GPHN: variants seen among roughly 807,000 people sequenced by gnomAD.
The protein encoded by GPHN is gephyrin.
Under a neutral mutation model 95.5 loss-of-function variants are expected in GPHN, and 17 were observed. The ratio of observed to expected loss-of-function variants is 0.18; its 90% CI spans 0.12 to 0.27. The LOEUF (loss-of-function observed/expected upper bound fraction) is 0.27. Ranked by LOEUF, GPHN falls within the 10% of genes least tolerant of loss-of-function variation. The pLI is 1.00. For synonymous variants in GPHN, 320 were observed against 322.5 expected, an observed-to-expected ratio of 0.99 and a Z score of 0.08; for missense variants, 660 against 978.1, an observed-to-expected ratio of 0.67 and a Z score of 4.34.
the GPHN span, among the ~76,000 whole-genome samples, chr14:67,281,237 T>C: frequency 6.6e-6 from 1 of 152,130 alleles, no homozygotes. Context: ...TCATCTTCTT[T>C]TCTTTGTTAT....
At chr14:67,209,690 C>A in the GPHN span, among the ~76,000 whole-genome samples, 20 of 150,980 alleles carry the variant, frequency 1.3e-4, no homozygotes, top group Non-Finnish European at 3.0e-4. Flanking sequence ...TGGTGGCAGG[C>A]GCCTGTAATC....
chr14:67,299,111 AGG>A, the GPHN span, among the ~76,000 whole-genome samples: 4 of 152,228 alleles, frequency 2.6e-5, no homozygotes, highest in Non-Finnish European at 2.9e-5. Flanking sequence ...TCTAGCAGGT[AGG>A]TAATGGTATC....
At chr14:67,593,678 G>C in the GPHN span, 1 of 896,660 alleles carries the variant, frequency 1.1e-6, no homozygotes, top group Non-Finnish European at 1.9e-6. Flanking sequence ...TTAAATCTGG[G>C]AACATCCCAT....
the GPHN span, chr14:67,645,649 A>G: frequency 6.2e-7 from 1 of 1,612,794 alleles, no homozygotes; most frequent in Non-Finnish European, 8.5e-7. Context: ...GCAGCCTGGC[A>G]ATCGGTACCA....
At chr14:67,579,693 C>A in the GPHN span, 1 of 1,606,356 alleles carries the variant, frequency 6.2e-7, no homozygotes, top group Non-Finnish European at 8.5e-7. Context: ...GAGGTTCACT[C>A]AGGGTTGGAA....
the GPHN span, among the ~76,000 whole-genome samples, chr14:67,365,749 T>TTC: frequency 3.9e-5 from 6 of 152,376 alleles, no homozygotes; most frequent in African/African-American, 1.4e-4. Flanking sequence ...TCCGAAAGGC[T>TTC]TCATATCAGT....
intron 1 of GPHN, among the ~76,000 whole-genome samples, chr14:66,652,245 T>C (rs1340101508): frequency 6.6e-6 from 1 of 152,114 alleles, no homozygotes; most frequent in East Asian, 1.9e-4. Flanking sequence ...ATATAGACAT[T>C]TGCAAAATAT....
At chr14:66,521,903 A>C (rs781008678) in intron 1 of GPHN, among the ~76,000 whole-genome samples, 16 of 152,096 alleles carry the variant, frequency 1.1e-4, no homozygotes, top group Non-Finnish European at 2.4e-4. Context: ...CAAGCAGACA[A>C]CTTTTTTTTT....
At chr14:66,895,734 A>G (rs1285310807) in intron 5 of GPHN, among the ~76,000 whole-genome samples, 2 of 152,172 alleles carry the variant, frequency 1.3e-5, no homozygotes, top group African/African-American at 4.8e-5. Flanking sequence ...ACATTTTATC[A>G]CCAAAAGAAC....
chr14:67,256,797 G>A, the GPHN span, among the ~76,000 whole-genome samples: 1 of 147,682 alleles, frequency 6.8e-6, no homozygotes, highest in Admixed American at 6.8e-5. Flanking sequence ...AGAAACTATT[G>A]ACACACACAC....
At chr14:66,555,746 A>G (rs1233477358) in intron 1 of GPHN, among the ~76,000 whole-genome samples, 1 of 152,174 alleles carries the variant, frequency 6.6e-6, no homozygotes, top group Non-Finnish European at 1.5e-5. Context: ...TGAACAAGTA[A>G]TAACTAAAGC....
intron 9 of GPHN, among the ~76,000 whole-genome samples, chr14:67,015,995 G>GTCTATTA (rs2073288387): frequency 6.6e-6 from 1 of 151,906 alleles, no homozygotes; most frequent in African/African-American, 2.4e-5. Context: ...TCTTGTTTCG[G>GTCTATTA]TCTATTAAAT....
At chr14:67,637,716 G>C in the GPHN span, among the ~76,000 whole-genome samples, 1 of 152,190 alleles carries the variant, frequency 6.6e-6, no homozygotes, top group Non-Finnish European at 1.5e-5. Flanking sequence ...ATTCAGTTAT[G>C]TAATTAACTA....
chr14:66,992,512 G>A (rs988310875), intron 9 of GPHN, among the ~76,000 whole-genome samples: 1 of 152,104 alleles, frequency 6.6e-6, no homozygotes, highest in Non-Finnish European at 1.5e-5. Context: ...TTTCCTGAAT[G>A]CCAATATGGG....
chr14:67,016,354 G>A (rs1438707311), intron 9 of GPHN, among the ~76,000 whole-genome samples: 1 of 151,796 alleles, frequency 6.6e-6, no homozygotes, highest in Non-Finnish European at 1.5e-5. Context: ...ATTTTTAAAT[G>A]CATTAAATAA....
intron 17 of GPHN, among the ~76,000 whole-genome samples, chr14:67,138,012 T>A (rs1056949621): frequency 2.6e-5 from 4 of 152,216 alleles, no homozygotes; most frequent in African/African-American, 9.6e-5. Context: ...TTTGTTTCTA[T>A]CAGTATTTGG....
intron 9 of GPHN, among the ~76,000 whole-genome samples, chr14:66,984,156 CTT>C (rs894115135): frequency 6.6e-6 from 1 of 152,080 alleles, no homozygotes; most frequent in Non-Finnish European, 1.5e-5. Context: ...GCATCAGACT[CTT>C]ATATTTTTAT....
chr14:67,345,751 G>A, the GPHN span: 2 of 1,565,138 alleles, frequency 1.3e-6, no homozygotes, highest in Non-Finnish European at 8.8e-7. Flanking sequence ...GAGTTCTCCA[G>A]GTCTTTTGCT....
chr14:66,700,495 T>A (rs1356867190), intron 2 of GPHN, among the ~76,000 whole-genome samples: 1 of 152,232 alleles, frequency 6.6e-6, no homozygotes, highest in African/African-American at 2.4e-5. Context: ...TTTAAATTTG[T>A]ATTTTTTTAC....
Sources: allele counts gnomAD v4.1 joint callset (sites outside exome capture counted in the v4.1 genomes callset), GRCh38; gene constraint gnomAD v4.1.1; transcripts MANE v1.5; gene names NCBI Gene and HGNC (gene_info 2026-07-23, HGNC 2026-07-21).